The following SGF29 variants were observed in gnomAD, a reference collection of about 807,000 sequenced individuals.
SGF29 encodes SAGA complex associated factor 29, also known as SAGA-associated factor 29.
A neutral mutation model predicts 38.1 loss-of-function variants in SGF29; 15 were observed. That is an observed-to-expected ratio of 0.39 (90% CI 0.26 to 0.61). The LOEUF (loss-of-function observed/expected upper bound fraction) is 0.61. Ranked by LOEUF, SGF29 falls within the 20% of genes least tolerant of loss-of-function variation. The pLI is 0.49. For missense variants in SGF29, 184 were observed against 394.6 expected (o/e 0.47, Z 4.52); for synonymous variants, 151 against 160.8 (o/e 0.94, Z 0.46).
At chr16:28,589,984 C>T in intron 5 of SGF29, 112 bp from the exon 6 acceptor site, 5 of 1,432,812 alleles carry the variant, frequency 3.5e-6, no homozygotes, top group Non-Finnish European at 4.6e-6. Context: ...CCCTCGGGCT[C>T]ACTCGGGAAC....
At chr16:28,584,393 G>T (rs1366094551) in intron 2 of SGF29, among the ~76,000 whole-genome samples, 1 of 151,738 alleles carries the variant, frequency 6.6e-6, no homozygotes, top group Non-Finnish European at 1.5e-5. Context: ...GGGCGCCCTT[G>T]CCTGTAATTC....
intron 1 of SGF29, among the ~76,000 whole-genome samples, chr16:28,578,628 CCATT>C (rs2046908067): frequency 6.6e-6 from 1 of 150,732 alleles, no homozygotes; most frequent in Non-Finnish European, 1.5e-5. Context: ...AGAGTTTACT[CCATT>C]CATCGTGAAT....
chr16:28,575,296 G>A (rs1360860894), intron 1 of SGF29, among the ~76,000 whole-genome samples: 1 of 152,208 alleles, frequency 6.6e-6, no homozygotes, highest in East Asian at 1.9e-4. Context: ...TGTCGTACAT[G>A]TGGGACAACA....
Position 28,590,958 on chromosome 16 carries a change from G to C in SGF29, c.765+23G>C. 1 of 1,586,132 alleles carries C rather than the reference G, an allele frequency of 6.3e-7. No homozygotes were observed. Among genetic ancestry groups the C allele is most frequent in the Admixed American group, 1.7e-5 (1 of 57,384 alleles). On this transcript the variant is annotated intron_variant, in intron 9 of 9. Transcript: ENST00000317058. The surrounding 1 kb of genome is among the most constrained non-coding windows in gnomAD (Gnocchi z 8.2). The stretch of plus-strand genomic sequence containing the variant: ...CGGGTAAAGCAGCCTCCAGGGGAGA[G>C]GCCATGGGTGATGTCAGGAACAGGC...
chr16:28,581,012 C>T (rs749688867), intron 1 of SGF29, 43 bp from the exon 2 acceptor site: 304 of 1,416,944 alleles, frequency 2.1e-4, no homozygotes, highest in Admixed American at 1.1e-3. Flanking sequence ...CAGCCCACAG[C>T]AGCCACTAAC....
At chr16:28,586,056 A>G (rs569252431) in intron 4 of SGF29, among the ~76,000 whole-genome samples, 10 of 152,306 alleles carry the variant, frequency 6.6e-5, no homozygotes, top group African/African-American at 2.4e-4. Flanking sequence ...TGGGAGGCCG[A>G]GGTTAGAGGA....
intron 4 of SGF29, among the ~76,000 whole-genome samples, chr16:28,587,154 A>G (rs1247528291): frequency 6.6e-6 from 1 of 152,178 alleles, no homozygotes; most frequent in African/African-American, 2.4e-5. Context: ...CCTCCATTGC[A>G]TAATTAATAA....
At chr16:28,591,265 T>G (rs1235628032) in intron 9 of SGF29, among the ~76,000 whole-genome samples, 1 of 152,186 alleles carries the variant, frequency 6.6e-6, no homozygotes, top group Non-Finnish European at 1.5e-5. Flanking sequence ...CCAGGATCCC[T>G]GCCTGCCACC....
chr16:28,581,012 C>A, intron 1 of SGF29, 43 bp from the exon 2 acceptor site: 1 of 1,417,058 alleles, frequency 7.1e-7, no homozygotes, highest in Non-Finnish European at 9.9e-7. Flanking sequence ...CAGCCCACAG[C>A]AGCCACTAAC....
chr16:28,590,034 A>C lies in SGF29; in HGVS notation c.290-62A>C, dbSNP rs2046978538. 3.8e-6 allele frequency: 6 copies of C among 1,559,288 alleles called. No homozygotes were observed. Among genetic ancestry groups the C allele is most frequent in the Non-Finnish European group, 8.7e-7 (1 of 1,154,464 alleles). Reference sequence around the variant, plus strand: ...TGCTCCTTCAACAGCTCAGTGCAGCATGCTCGGGGGTCAAGGCCGGCACCT... The same window carrying C: ...TGCTCCTTCAACAGCTCAGTGCAGCCTGCTCGGGGGTCAAGGCCGGCACCT... On this transcript the variant is annotated intron_variant, in intron 5 of 9. Coordinates refer to ENST00000317058, the MANE Select transcript of SGF29 (RefSeq NM_138414.3). The surrounding 1 kb of genome is among the most constrained non-coding windows in gnomAD (Gnocchi z 8.2).
intron 2 of SGF29, 119 bp downstream of exon 2, chr16:28,581,263 T>C: frequency 1.1e-6 from 1 of 886,616 alleles, no homozygotes; most frequent in Non-Finnish European, 1.8e-6. Context: ...AATGACGTAA[T>C]AAAAGTGAAA....
At chr16:28,564,764 T>TATATATGTATATATATAC (rs2046825183) in intron 1 of SGF29, among the ~76,000 whole-genome samples, 5 of 62,816 alleles carry the variant, frequency 8.0e-5, no homozygotes, top group Non-Finnish European at 1.5e-4. Context: ...TGTATATATG[T>TATATATGTATATATATAC]ATATATATGT....
chr16:28,582,774 C>T (rs1196093134), intron 2 of SGF29, among the ~76,000 whole-genome samples: 3 of 151,976 alleles, frequency 2.0e-5, no homozygotes, highest in Non-Finnish European at 2.9e-5. Context: ...GAAACTCCAT[C>T]TCTACTAAAA....
At chr16:28,561,096 T>C (rs188370701) in intron 1 of SGF29, among the ~76,000 whole-genome samples, 32 of 152,206 alleles carry the variant, frequency 2.1e-4, no homozygotes, top group Admixed American at 1.6e-3. Context: ...AAAGCAGTTA[T>C]TAAAACTTCG....
intron 4 of SGF29, among the ~76,000 whole-genome samples, chr16:28,588,879 A>G (rs771944240): frequency 1.3e-4 from 17 of 131,920 alleles, no homozygotes; most frequent in Non-Finnish European, 2.3e-4. Context: ...GCAGATTTCT[A>G]GTTTCACCAT....
intron 1 of SGF29, among the ~76,000 whole-genome samples, chr16:28,565,143 T>G (rs1347982017): frequency 2.0e-5 from 3 of 152,098 alleles, no homozygotes; most frequent in Non-Finnish European, 4.4e-5. Flanking sequence ...TGGTCCCCCT[T>G]CTTCCGCCTG....
chr16:28,584,522 G>C (rs1214413088), intron 2 of SGF29, among the ~76,000 whole-genome samples: 1 of 151,960 alleles, frequency 6.6e-6, no homozygotes, highest in Non-Finnish European at 1.5e-5. Flanking sequence ...GGGCGCATTG[G>C]CTTACGCCTG....
At chr16:28,577,458 G>A (rs958555503) in intron 1 of SGF29, among the ~76,000 whole-genome samples, 8 of 151,910 alleles carry the variant, frequency 5.3e-5, no homozygotes, top group East Asian at 1.9e-4. Flanking sequence ...GATATTTCAC[G>A]TAAATGGAAA....
intron 1 of SGF29, among the ~76,000 whole-genome samples, chr16:28,566,715 G>A (rs1249360555): frequency 6.6e-6 from 1 of 151,938 alleles, no homozygotes; most frequent in Non-Finnish European, 1.5e-5. Context: ...AGCCTGGGAA[G>A]CAGAGGTTGC....
Sources: allele counts gnomAD v4.1 joint callset (sites outside exome capture counted in the v4.1 genomes callset), GRCh38; gene constraint gnomAD v4.1.1; non-coding constraint Gnocchi (gnomAD v3.1); transcripts MANE v1.5; gene names NCBI Gene and HGNC (gene_info 2026-07-23, HGNC 2026-07-21).